PTPRG: variants seen among roughly 807,000 people sequenced by gnomAD.
PTPRG encodes receptor-type tyrosine-protein phosphatase gamma.
Under a neutral mutation model 165.3 loss-of-function variants are expected in PTPRG, and 102 were observed. The observed-to-expected ratio is 0.62, with a 90% CI of 0.53 to 0.73. The LOEUF (loss-of-function observed/expected upper bound fraction) is 0.73. PTPRG is among the 30% of genes least tolerant of loss of function. PTPRG has a pLI of 0.00. For missense variants in PTPRG, 1,866 were observed against 1,861.4 expected (o/e 1.00, Z -0.05); for synonymous variants, 675 against 669.5 (o/e 1.01, Z -0.13).
At position 61,932,067 on chromosome 3, in the gene PTPRG, C is replaced by T. The variant is rs373628756; in HGVS notation, c.191-57558C>T. 7.2e-5 allele frequency among the ~76,000 whole-genome samples: 11 copies of T among 152,062 alleles called. 1 individual carries two copies. Among genetic ancestry groups the T allele is most frequent in the African/African-American group, 2.4e-4 (10 of 41,460 alleles). ...ATGTTTTTTGCTAACAATATTTTCCCCTGCCAAAATCTGTTTGCTTTTAAA... is the reference window on the plus strand; with the variant it reads ...ATGTTTTTTGCTAACAATATTTTCCTCTGCCAAAATCTGTTTGCTTTTAAA... On this transcript the variant is annotated intron_variant, in intron 2 of 29. Transcript: ENST00000474889.
rs1032313117 is a variant in PTPRG at position 62,218,774 on chromosome 3, G to A, written c.2156-77G>A. 5.3e-6 allele frequency: 8 copies of A among 1,513,594 alleles called. No individual in the cohort carries two copies. In the African/African-American group the frequency reaches 5.6e-5, roughly 11 times the overall value. The allele number at this position is 1,513,594 out of a possible 1,614,324, so 93.8% of individuals were successfully genotyped here. On this transcript the variant is annotated intron_variant, in intron 12 of 29. Coordinates refer to ENST00000474889, the MANE Select transcript of PTPRG (RefSeq NM_002841.4). ...GTTCGCCAGAAACCACACAAAACTG[G>A]AACAGAACTCTGCATCAATTCTGGC...
At chr3:62,109,128 G>A (rs1702578262) in intron 5 of PTPRG, among the ~76,000 whole-genome samples, 1 of 152,178 alleles carries the variant, frequency 6.6e-6, no homozygotes, top group Non-Finnish European at 1.5e-5. Context: ...CAATGCCTAT[G>A]TCCTGAATGG....
chr3:61,643,563 G>A (rs533407605), intron 1 of PTPRG, among the ~76,000 whole-genome samples: 84 of 152,260 alleles, frequency 5.5e-4, no homozygotes, highest in African/African-American at 2.0e-3. Context: ...TGAATCACTT[G>A]AGGTCAGGAG....
intron 5 of PTPRG, among the ~76,000 whole-genome samples, chr3:62,084,053 A>G (rs948236900): frequency 6.6e-6 from 1 of 151,882 alleles, no homozygotes; most frequent in East Asian, 1.9e-4. Flanking sequence ...TCATAAATGC[A>G]TGATTCTTCA....
intron 1 of PTPRG, among the ~76,000 whole-genome samples, chr3:61,626,772 A>C (rs1701621126): frequency 6.6e-6 from 1 of 152,172 alleles, no homozygotes; most frequent in Non-Finnish European, 1.5e-5. Flanking sequence ...TATTAAATGT[A>C]TTTTACATTT....
At chr3:61,961,150 A>C (rs2107642199) in intron 2 of PTPRG, among the ~76,000 whole-genome samples, 1 of 152,326 alleles carries the variant, frequency 6.6e-6, no homozygotes, top group South Asian at 2.1e-4. Flanking sequence ...TAGGACCTTC[A>C]GAAGTGACAC....
intron 1 of PTPRG, among the ~76,000 whole-genome samples, chr3:61,602,203 G>T (rs1286811949): frequency 6.6e-6 from 1 of 151,874 alleles, no homozygotes; most frequent in East Asian, 1.9e-4. Flanking sequence ...CTTTTGGCTG[G>T]CTGTCTTAGT....
intron 1 of PTPRG, among the ~76,000 whole-genome samples, chr3:61,679,961 G>A (rs1173525180): frequency 3.3e-5 from 5 of 152,198 alleles, no homozygotes; most frequent in African/African-American, 7.2e-5. Flanking sequence ...CAACTGCCCC[G>A]CTACTGGAAC....
At position 62,128,714 on chromosome 3, in the gene PTPRG, C is replaced by G. The variant is rs369300745; in HGVS notation, c.616-3888C>G. 1.9e-4 allele frequency among the ~76,000 whole-genome samples: 28 copies of G among 149,006 alleles called. No individual in the cohort carries two copies. The East Asian group carries it at 5.1e-3, about 27-fold the overall frequency. ...CTCAGAATTCCATATTTTCCCCATCCCTGGCCTCCTGCATCCTAGATGGAG... is the reference window on the plus strand; with the variant it reads ...CTCAGAATTCCATATTTTCCCCATCGCTGGCCTCCTGCATCCTAGATGGAG... On this transcript the variant is annotated intron_variant, in intron 5 of 29. Coordinates refer to ENST00000474889, the MANE Select transcript of PTPRG (RefSeq NM_002841.4).
chr3:61,830,829 C>G (rs1465325533), intron 2 of PTPRG, among the ~76,000 whole-genome samples: 1 of 152,192 alleles, frequency 6.6e-6, no homozygotes, highest in Non-Finnish European at 1.5e-5. Flanking sequence ...CTGCCTCGGC[C>G]TTCCAAAGTG....
chr3:61,928,689 G>A (rs1396012320), intron 2 of PTPRG, among the ~76,000 whole-genome samples: 1 of 151,802 alleles, frequency 6.6e-6, no homozygotes, highest in Non-Finnish European at 1.5e-5. Context: ...TTTCATTTCA[G>A]TTTTTACTTC....
In PTPRG at chr3:62,237,275, G is replaced by C. The variant is rs998479586; in HGVS notation, c.2375+5964G>C. On this transcript the variant is annotated intron_variant, in intron 14 of 29. Transcript: ENST00000474889. This position sits in a 1 kb window ranked among gnomAD's most constrained non-coding sequence, Gnocchi z 4.5. ...AAGAATTCCTGGGTGGAAATGGGGGGTCAGAAGTCTAGAGGTTTTTTTGTT... is the reference window on the plus strand; with the variant it reads ...AAGAATTCCTGGGTGGAAATGGGGGCTCAGAAGTCTAGAGGTTTTTTTGTT... Among the ~76,000 whole-genome samples the C allele has an allele frequency of 6.6e-6, 1 of 152,132 alleles. No homozygotes were observed. The highest frequency in any genetic ancestry group is 1.5e-5 in the Non-Finnish European group (1 of 68,030).
At chr3:62,010,825 TC>T (rs201194826) in intron 4 of PTPRG, among the ~76,000 whole-genome samples, 2,191 of 152,268 alleles carry the variant, frequency 0.014, 47 homozygotes, top group African/African-American at 0.05. Context: ...TAACAGTTTT[TC>T]CCCCGTGTTG....
Position 61,942,207 on chromosome 3 carries a change from T to TTGGCCA in PTPRG, c.191-47409_191-47404dup, listed in dbSNP as rs1293551128. 2.3e-4 allele frequency among the ~76,000 whole-genome samples: 35 copies of TTGGCCA among 151,572 alleles called. 1 individual carries two copies. Among genetic ancestry groups the TTGGCCA allele is most frequent in the African/African-American group, 8.5e-4 (35 of 41,284 alleles). On this transcript the variant is annotated intron_variant, in intron 2 of 29. Transcript: ENST00000474889. Reference sequence around the variant, plus strand: ...GTTAGTTTTGCATCATAAACAGAAATTGGCCATGGCCATGTTGGAGCTATT... The same window carrying TTGGCCA: ...GTTAGTTTTGCATCATAAACAGAAATTGGCCATGGCCATGGCCATGTTGGAGCTATT...
At chr3:61,661,882 A>C (rs1260333478) in intron 1 of PTPRG, among the ~76,000 whole-genome samples, 1 of 152,226 alleles carries the variant, frequency 6.6e-6, no homozygotes, top group Admixed American at 6.5e-5. Flanking sequence ...CCAATCCCTT[A>C]CTGTTTCTTT....
intron 5 of PTPRG, among the ~76,000 whole-genome samples, chr3:62,083,283 G>A (rs1023027203): frequency 6.8e-6 from 1 of 147,056 alleles, no homozygotes; most frequent in African/African-American, 2.6e-5. Context: ...TCCTTTTTGT[G>A]GAGAACGGGG....
At chr3:61,617,034 A>T (rs1014175206) in intron 1 of PTPRG, among the ~76,000 whole-genome samples, 1 of 152,194 alleles carries the variant, frequency 6.6e-6, no homozygotes, top group African/African-American at 2.4e-5. Context: ...TGTGTGCCTG[A>T]TCCTGGTTTG....
At chr3:61,905,779 A>G (rs554064987) in intron 2 of PTPRG, among the ~76,000 whole-genome samples, 1 of 152,308 alleles carries the variant, frequency 6.6e-6, no homozygotes, top group East Asian at 1.9e-4. Context: ...AAAACTTTCA[A>G]CTGAGTCAAA....
chr3:61,746,777 G>C (rs1417197442), intron 1 of PTPRG, among the ~76,000 whole-genome samples: 1 of 152,126 alleles, frequency 6.6e-6, no homozygotes, highest in Non-Finnish European at 1.5e-5. Context: ...TCCAATGCGT[G>C]ATACACAGCT....
Sources: gnomAD v4.1 joint callset for allele counts (sites outside exome capture counted in the v4.1 genomes callset) on GRCh38, gnomAD v4.1.1 for gene constraint, Gnocchi (gnomAD v3.1) non-coding constraint, MANE v1.5 for transcripts, NCBI Gene and HGNC (gene_info 2026-07-23, HGNC 2026-07-21) for gene names.